The following TPO variants were observed in gnomAD, a reference collection of about 807,000 sequenced individuals.
The protein encoded by TPO is thyroid microsomal antigen.
Under a neutral mutation model 96.9 loss-of-function variants are expected in TPO, and 78 were observed. The observed-to-expected ratio is 0.81, with a 90% confidence interval of 0.67 to 0.97. TPO has a LOEUF of 0.97. TPO is among the 50% of genes least tolerant of loss of function. The pLI is 0.00. For synonymous variants in TPO, 547 were observed against 538.0 expected (o/e 1.02, Z -0.23); for missense variants, 1,252 against 1,274.8 (o/e 0.98, Z 0.27).
rs147201489 is a variant in TPO, at chr2:1,383,448, G to C, written n.180+9046G>C. On this transcript the variant is annotated intron_variant and non_coding_transcript_variant, in intron 1 of 5. Transcript: ENST00000497517. ...TGGTGAGAGATGATATCTCATTGTG[G>C]TTTTGATTTGCATTTCTCTGATGGC... 2.6e-3 allele frequency among the ~76,000 whole-genome samples: 393 copies of C among 152,286 alleles called. 3 individuals are homozygous for C. The highest frequency in any genetic ancestry group is 7.2e-3 in the African/African-American group (299 of 41,548).
In TPO at chr2:1,386,219, G is replaced by A. The variant is rs1005340198; in HGVS notation, n.180+11817G>A. Among the ~76,000 whole-genome samples, 8 of 152,288 alleles carry A rather than the reference G, an allele frequency of 5.3e-5. 1 individual carries two copies. In the East Asian group the frequency reaches 1.4e-3, roughly 26 times the overall value. On this transcript the variant is annotated intron_variant and non_coding_transcript_variant, in intron 1 of 5. Coordinates refer to the TPO transcript ENST00000497517. ...ATTTGGCGTGGAGAGTTCTATAGAT[G>A]TCTATTAGGTCCACTTGGTGCAGAG...
intron 3 of TPO, among the ~76,000 whole-genome samples, chr2:1,432,599 T>TGAGGCCTGCAGGTGAGGG (rs1187608966): frequency 3.6e-5 from 1 of 27,680 alleles, no homozygotes; most frequent in African/African-American, 1.5e-4. Context: ...GCAGGTGGGG[T>TGAGGCCTGCAGGTGAGGG]GAGGCCTGCA....
chr2:1,484,491 C>G, intron 8 of TPO, 105 bp from the exon 9 acceptor site: 1 of 1,465,012 alleles, frequency 6.8e-7, no homozygotes, highest in South Asian at 1.2e-5. Context: ...GAGAAGGGTC[C>G]AGTTCCCTGG....
intron 7 of TPO, among the ~76,000 whole-genome samples, chr2:1,460,353 C>T (rs1668308677): frequency 6.6e-6 from 1 of 152,124 alleles, no homozygotes; most frequent in African/African-American, 2.4e-5. Context: ...AGCAGAGGCC[C>T]TCGTTCCCAG....
At chr2:1,473,236 G>C (rs1331200975) in intron 7 of TPO, among the ~76,000 whole-genome samples, 4 of 152,152 alleles carry the variant, frequency 2.6e-5, no homozygotes, top group Non-Finnish European at 5.9e-5. Flanking sequence ...ATTACAGCAC[G>C]GGTTTCCATT....
chr2:1,488,744 A>T (rs1014797804), intron 10 of TPO, among the ~76,000 whole-genome samples: 3 of 152,132 alleles, frequency 2.0e-5, no homozygotes, highest in Non-Finnish European at 4.4e-5. Context: ...GACATGTGAG[A>T]TGGACAGTGC....
At chr2:1,379,427 C>A (rs1268426545) in intron 1 of TPO, among the ~76,000 whole-genome samples, 1 of 152,050 alleles carries the variant, frequency 6.6e-6, no homozygotes, top group Non-Finnish European at 1.5e-5. Context: ...TGGAGCAATC[C>A]CTAAACAGGC....
chr2:1,475,820 G>A (rs998159503), intron 7 of TPO, among the ~76,000 whole-genome samples: 2 of 152,228 alleles, frequency 1.3e-5, no homozygotes, highest in Non-Finnish European at 2.9e-5. Flanking sequence ...CAAGGCTGGG[G>A]CCTCGTTGCT....
At chr2:1,409,573 G>C (rs1662296505), upstream of TPO, among the ~76,000 whole-genome samples, 1 of 152,102 alleles carries the variant, frequency 6.6e-6, no homozygotes, top group African/African-American at 2.4e-5. Flanking sequence ...CAGCAACCAG[G>C]ACCAGGGAGT....
intron 7 of TPO, among the ~76,000 whole-genome samples, chr2:1,462,717 G>T (rs114475275): frequency 8.3e-4 from 126 of 152,304 alleles, no homozygotes; most frequent in Non-Finnish European, 1.4e-3. Context: ...GTGACATAAG[G>T]TATGAAATGA....
intron 13 of TPO, among the ~76,000 whole-genome samples, chr2:1,502,969 C>T (rs1018907870): frequency 1.3e-5 from 2 of 152,158 alleles, no homozygotes; most frequent in Non-Finnish European, 2.9e-5. Flanking sequence ...AGCTGGCCTT[C>T]GAGGCCTCAC....
intron 7 of TPO, among the ~76,000 whole-genome samples, chr2:1,475,578 C>A (rs956541744): frequency 6.6e-6 from 1 of 152,080 alleles, no homozygotes; most frequent in Non-Finnish European, 1.5e-5. Flanking sequence ...TGCCCGCCAC[C>A]GCGCCCGGCT....
At chr2:1,480,520 A>G (rs1670442795) in intron 8 of TPO, among the ~76,000 whole-genome samples, 1 of 143,394 alleles carries the variant, frequency 7.0e-6, no homozygotes, top group South Asian at 2.2e-4. Context: ...CTTATGAAAG[A>G]GAAATAGCAT....
intron 13 of TPO, among the ~76,000 whole-genome samples, chr2:1,498,023 G>A (rs1672527607): frequency 6.7e-6 from 1 of 150,344 alleles, no homozygotes; most frequent in Non-Finnish European, 1.5e-5. Context: ...GTGGCTGGGA[G>A]GGGGATGGTG....
intron 1 of TPO, among the ~76,000 whole-genome samples, chr2:1,402,253 C>T (rs572054225): frequency 2.0e-4 from 30 of 152,286 alleles, no homozygotes; most frequent in South Asian, 6.2e-4. Context: ...TCGGCATCCA[C>T]GGGAGGACTC....
chr2:1,529,988 GC>G (rs1267133006), intron 15 of TPO, among the ~76,000 whole-genome samples: 1 of 120,992 alleles, frequency 8.3e-6, no homozygotes, highest in African/African-American at 3.5e-5. Flanking sequence ...CTCACTGTGT[GC>G]AACCTCGCCC....
intron 14 of TPO, among the ~76,000 whole-genome samples, chr2:1,514,013 C>T (rs985346673): frequency 2.2e-4 from 34 of 152,224 alleles, no homozygotes; most frequent in Admixed American, 1.6e-3. Context: ...CTCTATGTAC[C>T]GATATGTGAA....
intron 3 of TPO, among the ~76,000 whole-genome samples, chr2:1,424,889 G>C (rs13413324): frequency 0.049 from 2,909 of 58,822 alleles, 221 homozygotes; most frequent in East Asian, 0.084. Context: ...CTTCTGTAAA[G>C]TCATTTTTCT....
Position 1,516,971 on chromosome 2 carries a change from G to T in TPO, c.2607G>T (p.Val869=). 6.2e-7 allele frequency: 1 copy of T among 1,613,942 alleles called. No homozygotes were observed. The highest frequency in any genetic ancestry group is 1.1e-5 in the South Asian group (1 of 91,090). The change falls in exon 15 of 17, where the codon GTG becomes GTT. Residue 869 remains valine, a synonymous_variant. Transcript: ENST00000329066. The part of the protein sequence containing the change: ...IGGFAGLTST[V]ICRWTRTGTK... ...GCTTCGCAGGTCTCACCTCGACGGT[G>T]ATTTGCAGGTGGTAAGTCCTTCACT...
Sources: gnomAD v4.1 joint callset for allele counts (sites outside exome capture counted in the v4.1 genomes callset) on GRCh38, gnomAD v4.1.1 for gene constraint, MANE v1.5 for transcripts, NCBI Gene and HGNC (gene_info 2026-07-23, HGNC 2026-07-21) for gene names.